The following ODF2L variants were observed in gnomAD, a reference collection of about 807,000 sequenced individuals.
The protein encoded by ODF2L is outer dense fiber of sperm tails 2 like, also known as protein BCAP.
Under a neutral mutation model 86.3 loss-of-function variants are expected in ODF2L, and 76 were observed. The ratio of observed to expected loss-of-function variants is 0.88; its 90% CI spans 0.73 to 1.07. The LOEUF is 1.07. Among genes scored for constraint, ODF2L ranks in the 50% least tolerant of loss-of-function variants. The probability of loss-of-function intolerance (pLI) is 0.00; values close to 1 mark genes in which losing one functional copy is unlikely to be tolerated. For missense variants in ODF2L, 748 were observed against 717.4 expected, an observed-to-expected ratio of 1.04 and a Z score of -0.49; for synonymous variants, 241 against 231.3, an observed-to-expected ratio of 1.04 and a Z score of -0.38.
chr1:86,384,683 T>C (rs372245337), exon 4 of ODF2L: 3 of 1,476,598 alleles, frequency 2.0e-6, no homozygotes, highest in African/African-American at 2.9e-5. Flanking sequence ...TACTTGTTTG[T>C]AGTCTCTCTT....
intron 11 of ODF2L, among the ~76,000 whole-genome samples, chr1:86,367,510 T>A (rs1659519297): frequency 1.4e-5 from 2 of 140,650 alleles, no homozygotes; most frequent in African/African-American, 2.7e-5. Context: ...CTGGGGAAAA[T>A]AGGTTCTTCA....
chr1:86,356,489 C>T, exon 14 of ODF2L: 1 of 1,613,964 alleles, frequency 6.2e-7, no homozygotes, highest in Non-Finnish European at 8.5e-7. Context: ...CTGCACACTT[C>T]CCCTTGCAGC....
At chr1:86,372,493 A>G in exon 9 of ODF2L, 1 of 1,530,494 alleles carries the variant, frequency 6.5e-7, no homozygotes, top group Non-Finnish European at 8.7e-7. Flanking sequence ...TCTCATAATG[A>G]CTTTTCCAGG....
intron 7 of ODF2L, among the ~76,000 whole-genome samples, chr1:86,379,584 C>T (rs1011519933): frequency 1.3e-5 from 2 of 152,128 alleles, no homozygotes; most frequent in Non-Finnish European, 2.9e-5. Context: ...GGACTCTTCA[C>T]TTTGAAAGAC....
At chr1:86,383,946 T>C (rs1261199478) in intron 4 of ODF2L, among the ~76,000 whole-genome samples, 1 of 151,794 alleles carries the variant, frequency 6.6e-6, no homozygotes, top group Admixed American at 6.6e-5. Context: ...ACCACGTATA[T>C]ATGCACACGT....
intron 2 of ODF2L, chr1:86,385,932 C>A: frequency 6.1e-6 from 1 of 163,478 alleles, no homozygotes; most frequent in Non-Finnish European, 1.3e-5. Flanking sequence ...GGCTCATTAA[C>A]AACTGATGGC....
Position 86,382,383 on chromosome 1 carries a change from C to CA in ODF2L, c.508-26dup, listed in dbSNP as rs200885335. On this transcript the variant is annotated intron_variant, in intron 6 of 17. Transcript: ENST00000317336. Reference sequence around the variant, plus strand: ...CCTGTAACAAAGAGAAAGAGAAAACCAAAAAAATCCATATTATTTGCTGTA... The same window carrying CA: ...CCTGTAACAAAGAGAAAGAGAAAACCAAAAAAAATCCATATTATTTGCTGTA... 1.3e-3 allele frequency: 2,063 copies of CA among 1,602,582 alleles called. 16 individuals are homozygous for CA. In the African/African-American group the frequency reaches 0.025, roughly 19 times the overall value.
At chr1:86,395,511 C>G (rs972507355) in intron 1 of ODF2L, among the ~76,000 whole-genome samples, 7 of 152,196 alleles carry the variant, frequency 4.6e-5, no homozygotes, top group African/African-American at 1.4e-4. Context: ...GCCTTTAGCA[C>G]TCTCCACGAC....
rs200652574 is a variant in ODF2L, at chr1:86,379,495, TA to T, written c.624+2746del. On this transcript the variant is annotated intron_variant, in intron 7 of 17. Transcript: ENST00000317336. Reference sequence around the variant, plus strand: ...ATCATACTAGTTTTAAAAACTAGTTTAAAAAAACATAATTGAGCTAGAAACA... The same window carrying T: ...ATCATACTAGTTTTAAAAACTAGTTTAAAAAACATAATTGAGCTAGAAACA... Among the ~76,000 whole-genome samples the T allele has an allele frequency of 5.4e-3, 822 of 152,224 alleles. 9 individuals are homozygous for T. The highest frequency in any genetic ancestry group is 5.2e-3 in the Non-Finnish European group (353 of 68,004).
At chr1:86,363,789 T>G (rs1659210631) in intron 11 of ODF2L, among the ~76,000 whole-genome samples, 1 of 152,090 alleles carries the variant, frequency 6.6e-6, no homozygotes, top group African/African-American at 2.4e-5. Context: ...TTTTCTAACT[T>G]TCTATTAGAA....
chr1:86,393,164 C>T (rs1387816601), intron 1 of ODF2L, among the ~76,000 whole-genome samples: 1 of 152,168 alleles, frequency 6.6e-6, no homozygotes, highest in Non-Finnish European at 1.5e-5. Flanking sequence ...TATTTTAAAA[C>T]AATATCTCTG....
Position 86,355,783 on chromosome 1 carries a change from AT to A in ODF2L, c.1518+660del, listed in dbSNP as rs940890060. Among the ~76,000 whole-genome samples, 2 of 74,822 alleles carry A rather than the reference AT, an allele frequency of 2.7e-5. 1 individual carries two copies. Among genetic ancestry groups the A allele is most frequent in the Non-Finnish European group, 6.2e-5 (2 of 32,358 alleles). The allele number at this position is 74,822 out of a possible 152,430, so 49.1% of individuals were successfully genotyped here. A position where few individuals can be genotyped will look rare whatever the true frequency, so the allele number is the denominator to read the frequency against. On this transcript the variant is annotated intron_variant, in intron 14 of 17. Transcript: ENST00000317336. ...TACTTTTTAAGTGAGAAAATGCAGT[AT>A]TTTTTTTTGCAAAATTAAAATCCAG...
chr1:86,387,901 T>G (rs565082277), intron 1 of ODF2L, among the ~76,000 whole-genome samples: 1 of 152,226 alleles, frequency 6.6e-6, no homozygotes, highest in African/African-American at 2.4e-5. Context: ...GTAATTTAGT[T>G]TTATATGTCT....
chr1:86,392,823 T>A (rs1410874417), intron 1 of ODF2L, among the ~76,000 whole-genome samples: 2 of 152,164 alleles, frequency 1.3e-5, no homozygotes, highest in Non-Finnish European at 2.9e-5. Flanking sequence ...ATAAAAAATT[T>A]TAAAAAACCA....
chr1:86,352,288 T>C, intron 17 of ODF2L: 3 of 1,384,078 alleles, frequency 2.2e-6, no homozygotes, highest in Non-Finnish European at 2.8e-6. Flanking sequence ...TGAGTAATGC[T>C]AGCTTTCAGA....
At chr1:86,364,313 G>A (rs1659247786) in intron 11 of ODF2L, among the ~76,000 whole-genome samples, 1 of 152,106 alleles carries the variant, frequency 6.6e-6, no homozygotes. Flanking sequence ...ACTTTCCCTG[G>A]GCAACCTGTA....
chr1:86,386,820 G>A (rs767593529), intron 2 of ODF2L, 95 bp downstream of exon 2: 3 of 613,596 alleles, frequency 4.9e-6, no homozygotes, highest in Non-Finnish European at 5.7e-6. Flanking sequence ...ACTCTTAAAA[G>A]AATGCTGTAT....
chr1:86,371,169 GAC>G lies in ODF2L; in HGVS notation c.921-18_921-17del. The G allele has an allele frequency of 7.5e-7, 1 of 1,329,910 alleles. No homozygotes were observed. The highest frequency in any genetic ancestry group is 1.0e-6 in the Non-Finnish European group (1 of 986,346). The allele number at this position is 1,329,910 out of a possible 1,614,324, so 82.4% of individuals were successfully genotyped here. On this transcript the variant is annotated splice_polypyrimidine_tract_variant and intron_variant, in intron 9 of 17. Coordinates refer to ENST00000317336, the Ensembl canonical transcript of ODF2L. Reference sequence around the variant, plus strand: ...AATGATTTGCCTTTATAAAATCAATGACACATTTTATAAAAGTCATAAAAATT... The same window carrying G: ...AATGATTTGCCTTTATAAAATCAATGACATTTTATAAAAGTCATAAAAATT...
At chr1:86,392,674 AG>A (rs891447828) in intron 1 of ODF2L, among the ~76,000 whole-genome samples, 4 of 152,100 alleles carry the variant, frequency 2.6e-5, no homozygotes, top group Non-Finnish European at 5.9e-5. Flanking sequence ...AAGGGTGGGA[AG>A]GGGGTGAGTG....
Sources: allele counts gnomAD v4.1 joint callset (sites outside exome capture counted in the v4.1 genomes callset), GRCh38; gene constraint gnomAD v4.1.1; transcripts MANE v1.5; gene names NCBI Gene and HGNC (gene_info 2026-07-23, HGNC 2026-07-21).